The following LYST variants were observed in gnomAD, a reference collection of about 807,000 sequenced individuals.
The protein encoded by LYST is lysosomal trafficking regulator.
LYST carries 192 observed loss-of-function variants against 413.6 expected under a neutral mutation model. The ratio of observed to expected loss-of-function variants is 0.46; its 90% CI spans 0.41 to 0.52. The LOEUF (loss-of-function observed/expected upper bound fraction) is 0.52. LYST is among the 20% of genes least tolerant of loss of function. The pLI is 0.00. For synonymous variants in LYST, 1,525 were observed against 1,567.3 expected (o/e 0.97, Z 0.64); for missense variants, 3,815 against 4,499.9 (o/e 0.85, Z 4.35).
chr1:235,813,034 T>G lies in LYST; in HGVS notation c.220A>C (p.Thr74Pro). 6.2e-7 allele frequency: 1 copy of G among 1,608,416 alleles called. No homozygotes were observed. Among genetic ancestry groups the G allele is most frequent in the South Asian group, 1.1e-5 (1 of 90,944 alleles). ...QALTCREELL[T>P]LLLSLLPLVW... ...AGTGGAAGGAGAGACAGAAGAAGAG[T>G]CAGGAGTTCTTCTCTACATGTCAAT... The change falls in exon 4 of 53, where the codon ACT (threonine) becomes CCT (proline). Residue 74 changes from threonine to proline, a missense_variant. Coordinates refer to ENST00000389793, the MANE Select transcript of LYST (RefSeq NM_000081.4).
chr1:235,807,259 G>A (rs1672949425), intron 5 of LYST, among the ~76,000 whole-genome samples: 2 of 152,070 alleles, frequency 1.3e-5, no homozygotes, highest in Admixed American at 6.6e-5. Flanking sequence ...GAAAATCTAC[G>A]GAAGGCTCAG....
chr1:235,848,464 A>C (rs1218463143), intron 1 of LYST, among the ~76,000 whole-genome samples: 1 of 152,164 alleles, frequency 6.6e-6, no homozygotes, highest in African/African-American at 2.4e-5. Context: ...CACCTCAAGG[A>C]ACTAGAGAAA....
intron 40 of LYST, among the ~76,000 whole-genome samples, chr1:235,719,868 G>C (rs1355732234): frequency 1.3e-5 from 2 of 151,902 alleles, no homozygotes; most frequent in African/African-American, 4.8e-5. Flanking sequence ...AAAATAAAGA[G>C]AAAAAATACA....
At chr1:235,833,052 ATTATC>A (rs1477148034) in intron 2 of LYST, among the ~76,000 whole-genome samples, 4 of 152,040 alleles carry the variant, frequency 2.6e-5, no homozygotes, top group Admixed American at 6.6e-5. Flanking sequence ...AAAATTCTGA[ATTATC>A]TTATCCAATA....
chr1:235,868,747 G>A (rs1393234691), upstream of LYST, among the ~76,000 whole-genome samples: 1 of 152,054 alleles, frequency 6.6e-6, no homozygotes, highest in Non-Finnish European at 1.5e-5. Flanking sequence ...CCTGACTGGA[G>A]TGCAGTGGCA....
At position 235,677,160 on chromosome 1, in the gene LYST, G is replaced by A; in HGVS notation, c.10969C>T (p.His3657Tyr). The A allele has an allele frequency of 1.2e-6, 2 of 1,613,772 alleles. No homozygotes were observed. Among genetic ancestry groups the A allele is most frequent in the Non-Finnish European group, 1.7e-6 (2 of 1,179,758 alleles). The stretch of plus-strand genomic sequence containing the variant: ...GAGACAGCTGTGACAGGGCTTTTGT[G>A]TCCCGCCAGACTTTGTACATAGCAT... Reference protein sequence around the residue: ...RLCYVQSLAGHKSPVTAVSAS... With the variant: ...RLCYVQSLAGYKSPVTAVSAS... Residue 3657 changes from histidine to tyrosine, a missense_variant, in exon 50 of 53, where the codon CAC becomes TAC. By Grantham distance (83) the His-to-Tyr change is moderately conservative. Coordinates refer to ENST00000389793, the MANE Select transcript of LYST (RefSeq NM_000081.4).
At chr1:235,670,272 CACAGT>C (rs1304132575) in intron 50 of LYST, among the ~76,000 whole-genome samples, 3 of 152,184 alleles carry the variant, frequency 2.0e-5, no homozygotes, top group Admixed American at 2.0e-4. Context: ...GGGGAGAGGA[CACAGT>C]AACAGGAGCT....
intron 42 of LYST, among the ~76,000 whole-genome samples, chr1:235,713,954 G>T (rs1183309137): frequency 6.6e-6 from 1 of 152,004 alleles, no homozygotes; most frequent in Non-Finnish European, 1.5e-5. Context: ...TTAGTTGATT[G>T]GTAGTTTTAT....
chr1:235,741,656 T>G, intron 30 of LYST, 28 bp from the exon 31 acceptor site: 1 of 1,539,936 alleles, frequency 6.5e-7, no homozygotes, highest in Non-Finnish European at 9.0e-7. Context: ...AGGAATGAAT[T>G]AGGATCAGAC....
chr1:235,802,775 TA>T (rs1391296975), intron 8 of LYST, 132 bp downstream of exon 8: 4 of 802,262 alleles, frequency 5.0e-6, no homozygotes, highest in South Asian at 4.5e-5. Context: ...GGAAGATCAA[TA>T]AAAAGATTAT....
chr1:235,833,082 A>G (rs956629840), intron 2 of LYST, among the ~76,000 whole-genome samples: 5 of 152,104 alleles, frequency 3.3e-5, no homozygotes, highest in African/African-American at 7.2e-5. Flanking sequence ...TACAATTTCC[A>G]TTATTCTATC....
chr1:235,688,811 C>A (rs1005764288), intron 47 of LYST, among the ~76,000 whole-genome samples: 2 of 151,912 alleles, frequency 1.3e-5, no homozygotes, highest in East Asian at 1.9e-4. Context: ...GGTGAAACCC[C>A]GTCTCTACTA....
rs138129496 is a variant in LYST, at chr1:235,685,860, A to C, written c.10800+1089T>G. 7.9e-3 allele frequency among the ~76,000 whole-genome samples: 1,182 copies of C among 150,088 alleles called. 18 individuals carry two copies. The highest frequency in any genetic ancestry group is 0.038 in the East Asian group (198 of 5,148). On this transcript the variant is annotated intron_variant, in intron 48 of 52. Coordinates refer to ENST00000389793, the MANE Select transcript of LYST (RefSeq NM_000081.4). ...GACTCTGTCTTAAAACAAAACAAAA[A>C]AAAAAAAACAAACAAAAAAAGAAAA...
Position 235,729,798 on chromosome 1 carries a change from C to T in LYST, c.9045-141G>A, listed in dbSNP as rs1001351410. The T allele has an allele frequency of 1.5e-5, 10 of 664,450 alleles. No homozygotes were observed. The African/African-American group carries it at 1.8e-4, about 12-fold the overall frequency. 41.2% of individuals were successfully genotyped at this position (664,450 alleles called of 1,614,324 possible). On this transcript the variant is annotated intron_variant, in intron 36 of 52. Coordinates refer to ENST00000389793, the MANE Select transcript of LYST (RefSeq NM_000081.4). Reference sequence around the variant, plus strand: ...TAGCATGAGGTATCTTGTCGAAACCCACATGAAAATATTAGCTCCTTTTTA... The same window carrying T: ...TAGCATGAGGTATCTTGTCGAAACCTACATGAAAATATTAGCTCCTTTTTA...
intron 20 of LYST, among the ~76,000 whole-genome samples, chr1:235,767,413 T>G (rs1668249955): frequency 1.3e-5 from 2 of 152,120 alleles, no homozygotes; most frequent in African/African-American, 2.4e-5. Flanking sequence ...CAAGTTCTCA[T>G]AGCTGTCAAG....
intron 30 of LYST, among the ~76,000 whole-genome samples, chr1:235,742,789 T>C (rs1665551228): frequency 6.6e-6 from 1 of 152,106 alleles, no homozygotes; most frequent in Admixed American, 6.5e-5. Flanking sequence ...AGTATAATAG[T>C]CACAAATTAA....
intron 10 of LYST, among the ~76,000 whole-genome samples, chr1:235,800,059 C>T (rs1305798506): frequency 3.4e-5 from 5 of 147,292 alleles, no homozygotes; most frequent in East Asian, 2.0e-4. Context: ...TGGGCCTAAG[C>T]GATCCTCCCA....
chr1:235,720,677 C>T lies in LYST; in HGVS notation c.9544G>A (p.Asp3182Asn), dbSNP rs777743654. Residue 3182 changes from aspartate (D) to asparagine (N), a missense_variant, in exon 40 of 53, where the codon GAT becomes AAT. This residue lies in a region of LYST where 866 missense variants were observed against 1,156.0 expected (regional missense o/e 0.75). Transcript: ENST00000389793. The part of the protein sequence containing the change: ...DYVSETLDLN[D>N]LLIYRNLSKP... Reference sequence around the variant, plus strand: ...TTAACTTACCTGTATATCAACAGATCATTGAGGTCAAGTGTCTCACTAACG... The same window carrying T: ...TTAACTTACCTGTATATCAACAGATTATTGAGGTCAAGTGTCTCACTAACG... The T allele has an allele frequency of 5.6e-6, 9 of 1,613,590 alleles. No homozygotes were observed. Among genetic ancestry groups the T allele is most frequent in the Non-Finnish European group, 7.6e-6 (9 of 1,179,602 alleles).
At chr1:235,691,065 C>T (rs1266275174) in intron 47 of LYST, among the ~76,000 whole-genome samples, 2 of 152,002 alleles carry the variant, frequency 1.3e-5, no homozygotes, top group Non-Finnish European at 2.9e-5. Flanking sequence ...TACAGGCGCC[C>T]GCCACCACGC....
Sources: gnomAD v4.1 joint callset for allele counts (sites outside exome capture counted in the v4.1 genomes callset) on GRCh38, gnomAD v4.1.1 for gene constraint, gnomAD v4.1.1 regional missense constraint, MANE v1.5 for transcripts, NCBI Gene and HGNC (gene_info 2026-07-23, HGNC 2026-07-21) for gene names.